RAPGEF4: variants seen among roughly 807,000 people sequenced by gnomAD.
RAPGEF4 encodes the protein RAP guanine-nucleotide-exchange factor (GEF) 4.
A neutral mutation model predicts 147.9 loss-of-function variants in RAPGEF4; 66 were observed. That is an observed-to-expected ratio of 0.45 (90% confidence interval 0.37 to 0.55). The LOEUF is 0.55. RAPGEF4 is among the 20% of genes least tolerant of loss of function. The probability of loss-of-function intolerance (pLI) is 0.00; values close to 1 mark genes in which losing one functional copy is unlikely to be tolerated. For synonymous variants in RAPGEF4, 419 were observed against 442.7 expected (o/e 0.95, Z 0.67); for missense variants, 1,071 against 1,257.3 (o/e 0.85, Z 2.24).
chr2:173,046,931 T>C (rs543283828), intron 29 of RAPGEF4, among the ~76,000 whole-genome samples: 2 of 152,334 alleles, frequency 1.3e-5, no homozygotes, highest in East Asian at 3.9e-4. Flanking sequence ...TCTATGATTT[T>C]TTTTTACACT....
At chr2:172,773,197 T>C (rs183908421) in intron 1 of RAPGEF4, among the ~76,000 whole-genome samples, 4 of 152,328 alleles carry the variant, frequency 2.6e-5, no homozygotes, top group Admixed American at 2.6e-4. Context: ...TTATTAATAA[T>C]AGAAGGAGTT....
At position 172,746,153 on chromosome 2, in the gene RAPGEF4, C is replaced by G. The variant is rs1694745588; in HGVS notation, c.65+10105C>G. On this transcript the variant is annotated intron_variant, in intron 1 of 30. Coordinates refer to ENST00000397081, the MANE Select transcript of RAPGEF4 (RefSeq NM_007023.4). ...TTTCCAATAGATACCTGGAATCATT[C>G]TATTCTGTGTTGTTGGCTGAATGAA... 2.0e-5 allele frequency among the ~76,000 whole-genome samples: 3 copies of G among 152,308 alleles called. No individual in the cohort carries two copies. The South Asian group carries it at 6.2e-4, about 32-fold the overall frequency.
At chr2:173,025,107 C>G (rs896363588) in intron 23 of RAPGEF4, among the ~76,000 whole-genome samples, 1 of 152,254 alleles carries the variant, frequency 6.6e-6, no homozygotes, top group Admixed American at 6.5e-5. Context: ...CTGTTTATCT[C>G]TGTACCTGGG....
At chr2:172,938,119 G>A (rs999486054) in intron 6 of RAPGEF4, among the ~76,000 whole-genome samples, 4 of 152,070 alleles carry the variant, frequency 2.6e-5, no homozygotes, top group Non-Finnish European at 4.4e-5. Flanking sequence ...CGCTAGGCGT[G>A]CTGTTGCTAC....
chr2:172,802,884 G>A (rs1462121244), intron 3 of RAPGEF4, among the ~76,000 whole-genome samples: 3 of 152,210 alleles, frequency 2.0e-5, no homozygotes, highest in Non-Finnish European at 2.9e-5. Flanking sequence ...ATGCAAGTCT[G>A]AAATCCAGCA....
Position 173,017,224 on chromosome 2 carries a change from A to C in RAPGEF4, c.1929+20A>C. 1 of 1,608,776 alleles carries C rather than the reference A, an allele frequency of 6.2e-7. No homozygotes were observed. The highest frequency in any genetic ancestry group is 8.5e-7 in the Non-Finnish European group (1 of 1,175,072). On this transcript the variant is annotated intron_variant, in intron 20 of 30. Coordinates refer to ENST00000397081, the MANE Select transcript of RAPGEF4 (RefSeq NM_007023.4). Reference sequence around the variant, plus strand: ...AAGAAGGTAGGTGGCATGAACTTGCATTCTCTGTCTGTGTCCTGTAGAATT... The same window carrying C: ...AAGAAGGTAGGTGGCATGAACTTGCCTTCTCTGTCTGTGTCCTGTAGAATT...
chr2:173,014,741 C>T, intron 18 of RAPGEF4, 127 bp downstream of exon 18: 1 of 918,924 alleles, frequency 1.1e-6, no homozygotes, highest in South Asian at 2.5e-5. Context: ...CACATTCATT[C>T]ATCAGAAAGG....
chr2:173,000,513 G>A (rs1693789289), intron 16 of RAPGEF4, among the ~76,000 whole-genome samples: 2 of 152,298 alleles, frequency 1.3e-5, no homozygotes, highest in African/African-American at 2.4e-5. Context: ...TGGCTAGCCA[G>A]GGCATGTTGT....
intron 17 of RAPGEF4, among the ~76,000 whole-genome samples, chr2:173,005,038 G>A (rs1694291304): frequency 6.6e-6 from 1 of 151,986 alleles, no homozygotes; most frequent in Non-Finnish European, 1.5e-5. Flanking sequence ...CATTTTTAAT[G>A]ACTATTATAT....
intron 12 of RAPGEF4, among the ~76,000 whole-genome samples, chr2:172,986,698 CT>C (rs72252062): frequency 9.1e-4 from 91 of 100,282 alleles, no homozygotes; most frequent in Admixed American, 9.0e-4. Context: ...TTCATATTTT[CT>C]TTTTTTTTTT....
chr2:172,889,735 C>A, intron 4 of RAPGEF4: 1 of 676,188 alleles, frequency 1.5e-6, no homozygotes, highest in Non-Finnish European at 1.8e-6. Flanking sequence ...TGATTTGTTA[C>A]TTTCAAATGT....
intron 14 of RAPGEF4, among the ~76,000 whole-genome samples, chr2:172,990,415 G>T (rs554008898): frequency 1.3e-4 from 20 of 152,236 alleles, no homozygotes; most frequent in Middle Eastern, 3.4e-3. Context: ...GAGAAAAGGT[G>T]CCCCACTCCT....
chr2:172,739,340 TA>T (rs1252798154), intron 1 of RAPGEF4, among the ~76,000 whole-genome samples: 5 of 151,784 alleles, frequency 3.3e-5, no homozygotes, highest in Non-Finnish European at 4.4e-5. Context: ...TTTTTTTTTT[TA>T]AGTGTGCTGA....
chr2:172,799,212 C>G (rs1481909015), intron 3 of RAPGEF4, among the ~76,000 whole-genome samples: 1 of 152,160 alleles, frequency 6.6e-6, no homozygotes, highest in African/African-American at 2.4e-5. Context: ...TATTTATTTA[C>G]TTCTTTAATC....
chr2:172,897,587 A>G (rs948437009), intron 4 of RAPGEF4, among the ~76,000 whole-genome samples: 33 of 151,282 alleles, frequency 2.2e-4, no homozygotes, highest in Admixed American at 5.3e-4. Flanking sequence ...TTTTTTGTAG[A>G]GACAGAGTCT....
chr2:173,029,388 T>C (rs141605102), intron 25 of RAPGEF4, among the ~76,000 whole-genome samples: 3 of 152,380 alleles, frequency 2.0e-5, no homozygotes, highest in East Asian at 3.9e-4. Context: ...AGGGACCTGG[T>C]ATGAAGAAGT....
At chr2:173,001,387 C>T (rs1260169138) in intron 17 of RAPGEF4, 43 bp downstream of exon 17, 32 of 1,609,666 alleles carry the variant, frequency 2.0e-5, no homozygotes, top group Non-Finnish European at 2.5e-5. Context: ...CCCTCGAAGA[C>T]AACCCCCCCT....
At chr2:172,841,931 A>G (rs978009438) in intron 4 of RAPGEF4, among the ~76,000 whole-genome samples, 5 of 152,154 alleles carry the variant, frequency 3.3e-5, no homozygotes, top group African/African-American at 1.2e-4. Flanking sequence ...CTTATCTTCC[A>G]TTGAAAAATT....
rs370245323 is a variant in RAPGEF4, at chr2:172,928,614, A to G, written c.537+6314A>G. On this transcript the variant is annotated intron_variant, in intron 6 of 30. Coordinates refer to ENST00000397081, the MANE Select transcript of RAPGEF4 (RefSeq NM_007023.4). ...AATTACATTTGGTGATTGTTTTAAT[A>G]TTCTATGTTTGGTTTCTTTGCAATT... Among the ~76,000 whole-genome samples, 14 of 152,304 alleles carry G rather than the reference A, an allele frequency of 9.2e-5. 1 individual carries two copies. Among genetic ancestry groups the G allele is most frequent in the African/African-American group, 3.4e-4 (14 of 41,566 alleles).
Sources: gnomAD v4.1 joint callset for allele counts (sites outside exome capture counted in the v4.1 genomes callset) on GRCh38, gnomAD v4.1.1 for gene constraint, MANE v1.5 for transcripts, NCBI Gene and HGNC (gene_info 2026-07-23, HGNC 2026-07-21) for gene names.